RFX7: variants seen among roughly 807,000 people sequenced by gnomAD.
RFX7 encodes regulatory factor X7.
A neutral mutation model predicts 111.8 loss-of-function variants in RFX7; 26 were observed. The ratio of observed to expected loss-of-function variants is 0.23; its 90% CI spans 0.17 to 0.32. The LOEUF (loss-of-function observed/expected upper bound fraction) is 0.32, where lower values mean the gene tolerates loss of function less well. Among genes scored for constraint, RFX7 ranks in the 10% least tolerant of loss-of-function variants. The pLI is 1.00. For missense variants in RFX7, 1,573 were observed against 1,772.9 expected, an observed-to-expected ratio of 0.89 and a Z score of 2.02; for synonymous variants, 624 against 624.4, an observed-to-expected ratio of 1.00 and a Z score of 0.01.
At chr15:56,237,293 A>G (rs2043634304) in intron 2 of RFX7, among the ~76,000 whole-genome samples, 5 of 152,144 alleles carry the variant, frequency 3.3e-5, no homozygotes, top group African/African-American at 4.8e-5. Flanking sequence ...GTTTTATTGC[A>G]TATTTTTGCT....
At chr15:56,241,214 C>T (rs1453539854) in intron 2 of RFX7, among the ~76,000 whole-genome samples, 3 of 152,062 alleles carry the variant, frequency 2.0e-5, no homozygotes, top group Admixed American at 6.6e-5. Context: ...CTGGAGTGCA[C>T]TCTACTTCAG....
At chr15:56,103,480 G>T in intron 6 of RFX7, 74 bp downstream of exon 6, 3 of 906,338 alleles carry the variant, frequency 3.3e-6, no homozygotes, top group South Asian at 4.0e-5. Context: ...GTTGCCAGTT[G>T]AACTACAACA....
At chr15:56,131,756 C>T (rs1164089625) in intron 5 of RFX7, among the ~76,000 whole-genome samples, 5 of 152,096 alleles carry the variant, frequency 3.3e-5, no homozygotes, top group African/African-American at 1.2e-4. Flanking sequence ...GAAATGATGT[C>T]TATCACTGCT....
At chr15:56,190,797 T>C (rs2141161454) in intron 2 of RFX7, among the ~76,000 whole-genome samples, 1 of 152,192 alleles carries the variant, frequency 6.6e-6, no homozygotes, top group South Asian at 2.1e-4. Flanking sequence ...GAAAAAACTC[T>C]CTAATATGAA....
At chr15:56,115,607 T>G (rs1007958916) in intron 5 of RFX7, among the ~76,000 whole-genome samples, 1 of 152,200 alleles carries the variant, frequency 6.6e-6, no homozygotes, top group African/African-American at 2.4e-5. Context: ...ATACATACTT[T>G]CATTTTTGGA....
At chr15:56,166,404 A>G (rs1474191816) in intron 3 of RFX7, among the ~76,000 whole-genome samples, 1 of 152,234 alleles carries the variant, frequency 6.6e-6, no homozygotes, top group Non-Finnish European at 1.5e-5. Flanking sequence ...TAGTCAATTT[A>G]GGGGACCCAA....
At chr15:56,146,266 T>G (rs2042469149) in intron 3 of RFX7, among the ~76,000 whole-genome samples, 1 of 152,070 alleles carries the variant, frequency 6.6e-6, no homozygotes. Context: ...GCCACATAAT[T>G]TTTTAATTTA....
At position 56,243,208 on chromosome 15, in the gene RFX7, C is replaced by G. The variant is rs761301592; in HGVS notation, c.78G>C (p.Ser26=). The part of the protein sequence containing the change: ...HQQLPPSAPN[S]GVALPALVPG... The stretch of plus-strand genomic sequence containing the variant: ...GCACAAGGGCTGGCAGGGCCACCCC[C>G]GAGTTGGGGGCGCTGGGGGGAAGCT... The change falls in exon 2 of 10, where the codon TCG becomes TCC. Residue 26 remains serine, a synonymous_variant. Coordinates refer to ENST00000559447, the MANE Select transcript of RFX7 (RefSeq NM_022841.7). 2.1e-5 allele frequency: 28 copies of G among 1,338,572 alleles called. No individual in the cohort carries two copies. Among genetic ancestry groups the G allele is most frequent in the Non-Finnish European group, 2.4e-5 (24 of 1,008,922 alleles). 82.9% of individuals were successfully genotyped at this position (1,338,572 alleles called of 1,614,324 possible).
intron 5 of RFX7, among the ~76,000 whole-genome samples, chr15:56,133,048 A>C (rs944828747): frequency 2.6e-5 from 4 of 152,162 alleles, no homozygotes; most frequent in African/African-American, 9.6e-5. Context: ...TCAGATAGTG[A>C]GATTACAGGT....
chr15:56,133,884 C>T (rs1320230179), intron 5 of RFX7, among the ~76,000 whole-genome samples: 1 of 151,976 alleles, frequency 6.6e-6, no homozygotes, highest in Non-Finnish European at 1.5e-5. Flanking sequence ...ATGGAAACAC[C>T]AACATTCTTT....
At chr15:56,151,738 T>C (rs1257846530) in intron 3 of RFX7, among the ~76,000 whole-genome samples, 1 of 152,118 alleles carries the variant, frequency 6.6e-6, no homozygotes, top group South Asian at 2.1e-4. Flanking sequence ...ATAAGCTAAA[T>C]GCCCCAATTA....
chr15:56,206,343 A>G (rs1160535008), intron 2 of RFX7, among the ~76,000 whole-genome samples: 1 of 152,210 alleles, frequency 6.6e-6, no homozygotes, highest in Non-Finnish European at 1.5e-5. Context: ...TCACAGAAAA[A>G]CAATAACAAA....
intron 2 of RFX7, among the ~76,000 whole-genome samples, chr15:56,220,215 G>A (rs531509856): frequency 6.6e-6 from 1 of 152,052 alleles, no homozygotes; most frequent in South Asian, 2.1e-4. Flanking sequence ...CTTTTTAATG[G>A]TTTTTATTTT....
chr15:56,197,542 T>C (rs2043156754), intron 2 of RFX7, among the ~76,000 whole-genome samples: 1 of 152,120 alleles, frequency 6.6e-6, no homozygotes, highest in African/African-American at 2.4e-5. Context: ...GATAATGAAA[T>C]GTCCCAGTGG....
intron 3 of RFX7, among the ~76,000 whole-genome samples, chr15:56,165,557 G>C (rs2042772737): frequency 1.3e-5 from 2 of 152,112 alleles, no homozygotes; most frequent in African/African-American, 4.8e-5. Context: ...TACCCTAGTA[G>C]AGCTGACTTA....
At chr15:56,231,502 T>C (rs1295545961) in intron 2 of RFX7, among the ~76,000 whole-genome samples, 3 of 152,126 alleles carry the variant, frequency 2.0e-5, no homozygotes, top group African/African-American at 7.2e-5. Context: ...ATGAGAACAG[T>C]ATGGGGGAAA....
intron 2 of RFX7, among the ~76,000 whole-genome samples, chr15:56,236,835 T>A (rs1486623091): frequency 6.6e-6 from 1 of 152,194 alleles, no homozygotes; most frequent in Non-Finnish European, 1.5e-5. Context: ...AACCAGCAGT[T>A]AGTAAACTCC....
chr15:56,145,288 T>C (rs2042452843), intron 3 of RFX7, among the ~76,000 whole-genome samples: 1 of 152,168 alleles, frequency 6.6e-6, no homozygotes, highest in African/African-American at 2.4e-5. Flanking sequence ...TAAGCAAAAT[T>C]CCATTGCAAT....
chr15:56,122,077 G>A (rs1285385231), intron 5 of RFX7, among the ~76,000 whole-genome samples: 19 of 152,160 alleles, frequency 1.2e-4, no homozygotes, highest in Admixed American at 1.0e-3. Flanking sequence ...TGATGCTTGT[G>A]AATGCTCATC....
Sources: gnomAD v4.1 joint callset for allele counts (sites outside exome capture counted in the v4.1 genomes callset) on GRCh38, gnomAD v4.1.1 for gene constraint, MANE v1.5 for transcripts, NCBI Gene and HGNC (gene_info 2026-07-23, HGNC 2026-07-21) for gene names.